PPIL6: variants seen among roughly 807,000 people sequenced by gnomAD.
PPIL6 encodes probable inactive peptidyl-prolyl cis-trans isomerase-like 6.
PPIL6 carries 39 observed loss-of-function variants against 36.8 expected under a neutral mutation model. The ratio of observed to expected loss-of-function variants is 1.06; its 90% CI spans 0.82 to 1.38. PPIL6 has a LOEUF of 1.38. Ranked by LOEUF, PPIL6 falls within the 40% of genes most tolerant of loss-of-function variation. The pLI is 0.00. For synonymous variants in PPIL6, 123 were observed against 134.1 expected, an observed-to-expected ratio of 0.92 and a Z score of 0.57; for missense variants, 368 against 379.1, an observed-to-expected ratio of 0.97 and a Z score of 0.24.
At chr6:109,425,749 CAAAAAA>C (rs34275471) in intron 5 of PPIL6, among the ~76,000 whole-genome samples, 5 of 103,702 alleles carry the variant, frequency 4.8e-5, no homozygotes, top group Admixed American at 1.0e-4. Flanking sequence ...GACTCCGTTT[CAAAAAA>C]AAAAAAAAAA....
intron 2 of PPIL6, among the ~76,000 whole-genome samples, chr6:109,431,849 G>A (rs1288925843): frequency 7.9e-5 from 12 of 152,072 alleles, no homozygotes; most frequent in African/African-American, 2.2e-4. Context: ...TTTTGTAATC[G>A]CCCTTCTTCT....
intron 7 of PPIL6, among the ~76,000 whole-genome samples, chr6:109,394,074 A>G (rs1772201048): frequency 6.6e-6 from 1 of 152,192 alleles, no homozygotes; most frequent in South Asian, 2.1e-4. Context: ...GACAGCTCAA[A>G]GCCATGCTAG....
At chr6:109,435,398 A>G (rs1319825631) in intron 2 of PPIL6, among the ~76,000 whole-genome samples, 1 of 151,364 alleles carries the variant, frequency 6.6e-6, no homozygotes, top group Non-Finnish European at 1.5e-5. Context: ...TCTTGGTTCA[A>G]GCGATTCTCC....
At chr6:109,434,144 GT>G (rs1490708050) in intron 2 of PPIL6, among the ~76,000 whole-genome samples, 1 of 152,208 alleles carries the variant, frequency 6.6e-6, no homozygotes, top group Non-Finnish European at 1.5e-5. Context: ...GTGACCAACA[GT>G]TTTGGTCTGC....
chr6:109,433,653 G>GA (rs1774286162), intron 2 of PPIL6, among the ~76,000 whole-genome samples: 1 of 152,194 alleles, frequency 6.6e-6, no homozygotes, highest in African/African-American at 2.4e-5. Context: ...TCATTCTGCT[G>GA]AAGCCTAAGG....
At chr6:109,425,759 A>G (rs1773785073) in intron 5 of PPIL6, among the ~76,000 whole-genome samples, 2 of 151,926 alleles carry the variant, frequency 1.3e-5, no homozygotes, top group Non-Finnish European at 1.5e-5. Context: ...CAAAAAAAAA[A>G]AAAAAAAAAA....
chr6:109,440,792 A>G, upstream of PPIL6: 1 of 347,690 alleles, frequency 2.9e-6, no homozygotes, highest in East Asian at 5.7e-5. Flanking sequence ...ACGAGCTTGG[A>G]GGAAAAGGAA....
intron 7 of PPIL6, 111 bp downstream of exon 7, chr6:109,399,924 T>C (rs1387227964): frequency 1.3e-6 from 1 of 743,366 alleles, no homozygotes; most frequent in Non-Finnish European, 2.0e-6. Context: ...TTTTTGCATT[T>C]AAGCCCTATT....
Position 109,413,773 on chromosome 6 carries a change from A to C in PPIL6, c.688+5414T>G, listed in dbSNP as rs1316300301. ...TGGTACATATACACAATGGAATACT[A>C]TTCAGCCATAAAAAAGAATGAGATC... On this transcript the variant is annotated intron_variant, in intron 6 of 7. Coordinates refer to ENST00000521072, the MANE Select transcript of PPIL6 (RefSeq NM_173672.5). The surrounding 1 kb of genome is among the most constrained non-coding windows in gnomAD (Gnocchi z 4.6). 6.6e-6 allele frequency among the ~76,000 whole-genome samples: 1 copy of C among 152,254 alleles called. No homozygotes were observed. Among genetic ancestry groups the C allele is most frequent in the Non-Finnish European group, 1.5e-5 (1 of 68,038 alleles).
chr6:109,401,696 A>G (rs1298415751), intron 6 of PPIL6, among the ~76,000 whole-genome samples: 2 of 151,728 alleles, frequency 1.3e-5, no homozygotes, highest in Non-Finnish European at 2.9e-5. Context: ...TGAAATGGAA[A>G]TCTGCCCACA....
chr6:109,440,777 C>G (rs1026677283), upstream of PPIL6: 1 of 339,708 alleles, frequency 2.9e-6, no homozygotes, highest in African/African-American at 2.2e-5. Context: ...CCGCGACCGC[C>G]GGGGACGAGC....
intron 5 of PPIL6, among the ~76,000 whole-genome samples, chr6:109,425,076 G>A (rs1413042376): frequency 1.3e-5 from 2 of 152,308 alleles, no homozygotes; most frequent in East Asian, 1.9e-4. Flanking sequence ...CATCTGTAGG[G>A]AGAGAGGATG....
intron 6 of PPIL6, among the ~76,000 whole-genome samples, chr6:109,404,012 T>C (rs1392111888): frequency 6.6e-6 from 1 of 152,224 alleles, no homozygotes; most frequent in Non-Finnish European, 1.5e-5. Flanking sequence ...TTCTGGAACA[T>C]CTCTTCTTCC....
intron 6 of PPIL6, among the ~76,000 whole-genome samples, chr6:109,407,514 T>C (rs1772850947): frequency 6.6e-6 from 1 of 152,034 alleles, no homozygotes; most frequent in Admixed American, 6.6e-5. Context: ...GCTGGGATTA[T>C]AGGCACCGCG....
chr6:109,417,473 T>A (rs991217326), intron 6 of PPIL6, among the ~76,000 whole-genome samples: 2 of 152,080 alleles, frequency 1.3e-5, no homozygotes, highest in African/African-American at 4.8e-5. Flanking sequence ...GTCAACTGTA[T>A]CCTATGAGCA....
At position 109,390,669 on chromosome 6, in the gene PPIL6, T is replaced by G. The variant is rs1029799477; in HGVS notation, c.*2157A>C. 2.0e-5 allele frequency: 3 copies of G among 152,330 alleles called. No homozygotes were observed. The highest frequency in any genetic ancestry group is 4.1e-4 in the South Asian group (2 of 4,828). 9.4% of individuals were successfully genotyped at this position (152,330 alleles called of 1,614,324 possible). Reference sequence around the variant, plus strand: ...GGGGGTCTTTGAGGTGCTGGAAAGGTTCTATATTTTCTCTATAGTGTTGGT... The same window carrying G: ...GGGGGTCTTTGAGGTGCTGGAAAGGGTCTATATTTTCTCTATAGTGTTGGT... On this transcript the variant is annotated 3_prime_UTR_variant, in exon 8 of 8. Transcript: ENST00000521072.
chr6:109,407,545 A>G (rs1028583107), intron 6 of PPIL6, among the ~76,000 whole-genome samples: 1 of 152,118 alleles, frequency 6.6e-6, no homozygotes, highest in African/African-American at 2.4e-5. Flanking sequence ...ACTATGGAAT[A>G]TTCTTATTAG....
chr6:109,430,745 T>C (rs1021520003), intron 3 of PPIL6, among the ~76,000 whole-genome samples: 14 of 152,208 alleles, frequency 9.2e-5, no homozygotes, highest in Non-Finnish European at 1.3e-4. Flanking sequence ...CTTTAAAATG[T>C]CACCTTTCTT....
intron 7 of PPIL6, among the ~76,000 whole-genome samples, chr6:109,395,707 C>T (rs1185328202): frequency 2.6e-5 from 4 of 151,316 alleles, no homozygotes; most frequent in East Asian, 3.9e-4. Flanking sequence ...CAGGTTCAAG[C>T]GATTCTCCTG....
Sources: allele counts gnomAD v4.1 joint callset (sites outside exome capture counted in the v4.1 genomes callset), GRCh38; gene constraint gnomAD v4.1.1; non-coding constraint Gnocchi (gnomAD v3.1); transcripts MANE v1.5; gene names NCBI Gene and HGNC (gene_info 2026-07-23, HGNC 2026-07-21).